ADARB2: variants seen among roughly 807,000 people sequenced by gnomAD.
The protein encoded by ADARB2 is inactive double-stranded RNA-specific editase B2.
Under a neutral mutation model 62.2 loss-of-function variants are expected in ADARB2, and 25 were observed. That is an observed-to-expected ratio of 0.40 (90% CI 0.29 to 0.56). The LOEUF (loss-of-function observed/expected upper bound fraction) is 0.56, where lower values mean the gene tolerates loss of function less well. Among genes scored for constraint, ADARB2 ranks in the 20% least tolerant of loss-of-function variants. ADARB2 has a pLI of 0.43. For missense variants in ADARB2, 1,071 were observed against 1,077.4 expected (o/e 0.99, Z 0.08); for synonymous variants, 572 against 500.8 (o/e 1.14, Z -1.90).
At chr10:1,453,166 G>C (rs1356608181) in intron 1 of ADARB2, among the ~76,000 whole-genome samples, 1 of 152,210 alleles carries the variant, frequency 6.6e-6, no homozygotes. Flanking sequence ...TCAGCAAGAC[G>C]TTAGACAAGG....
intron 1 of ADARB2, among the ~76,000 whole-genome samples, chr10:1,582,395 CT>C (rs1402208538): frequency 6.6e-6 from 1 of 152,194 alleles, no homozygotes; most frequent in African/African-American, 2.4e-5. Context: ...CTGCGTTTGA[CT>C]CCACATTTTA....
At chr10:1,558,786 A>C (rs1483396402) in intron 1 of ADARB2, among the ~76,000 whole-genome samples, 1 of 151,620 alleles carries the variant, frequency 6.6e-6, no homozygotes, top group Non-Finnish European at 1.5e-5. Flanking sequence ...CAGCCCCCGC[A>C]TGCTCCATCT....
At chr10:1,616,210 G>C (rs1031868614) in intron 1 of ADARB2, among the ~76,000 whole-genome samples, 1 of 152,200 alleles carries the variant, frequency 6.6e-6, no homozygotes, top group African/African-American at 2.4e-5. Flanking sequence ...TTTCTATAGA[G>C]GGTCCCAGTG....
rs144438287 is a variant in ADARB2, at chr10:1,631,591, G to A, written c.100+105460C>T. Among the ~76,000 whole-genome samples, 620 of 152,276 alleles carry A rather than the reference G, an allele frequency of 4.1e-3. 5 individuals carry two copies. Among genetic ancestry groups the A allele is most frequent in the Non-Finnish European group, 6.0e-3 (408 of 68,012 alleles). ...GGAAGTGCTAGGTCACCCTTTGAAC[G>A]TCAGTTACAGTTGCAGTGAGGTGGC... On this transcript the variant is annotated intron_variant, in intron 1 of 9. Coordinates refer to ENST00000381312, the MANE Select transcript of ADARB2 (RefSeq NM_018702.4).
chr10:1,467,487 T>C (rs1367130151), intron 1 of ADARB2, among the ~76,000 whole-genome samples: 1 of 152,178 alleles, frequency 6.6e-6, no homozygotes, highest in Admixed American at 6.5e-5. Flanking sequence ...CCGCGTTATT[T>C]CTGGGCTGTG....
intron 3 of ADARB2, among the ~76,000 whole-genome samples, chr10:1,328,862 T>C (rs2131832705): frequency 6.6e-6 from 1 of 151,980 alleles, no homozygotes; most frequent in African/African-American, 2.4e-5. Context: ...CATGGTGGTG[T>C]GTGTCTGCAG....
chr10:1,186,697 T>G (rs1428486804), intron 8 of ADARB2: 2 of 416,726 alleles, frequency 4.8e-6, no homozygotes, highest in African/African-American at 4.1e-5. Flanking sequence ...AGAGAAGAAC[T>G]TGGCGTCTTG....
intron 3 of ADARB2, among the ~76,000 whole-genome samples, chr10:1,319,578 A>C (rs1831776912): frequency 6.6e-6 from 1 of 152,188 alleles, no homozygotes; most frequent in Non-Finnish European, 1.5e-5. Context: ...GGTTGATAAG[A>C]ACTCATTGCA....
chr10:1,289,526 CGA>C (rs1831445187), intron 3 of ADARB2, among the ~76,000 whole-genome samples: 1 of 152,202 alleles, frequency 6.6e-6, no homozygotes, highest in Admixed American at 6.5e-5. Flanking sequence ...TCAGGAAGCC[CGA>C]GTCTGCCACG....
At position 1,183,201 on chromosome 10, in the gene ADARB2, T is replaced by A. The variant is rs1484351544; in HGVS notation, c.2212A>T (p.Thr738Ser). Residue 738 changes from threonine (T) to serine (S), a missense_variant, in exon 10 of 10, where the codon ACT becomes TCT. Coordinates refer to ENST00000381312, the MANE Select transcript of ADARB2 (RefSeq NM_018702.4). ...AGCCAGGAGCCCGCAGCCTAGAGAG[T>A]CAGTAGAAACTGCTGCTGCTCCGGT... is the stretch of plus-strand genomic sequence containing the variant. ...KPPEQQQFLLTL is the reference protein window; with the variant it reads ...KPPEQQQFLLSL The A allele has an allele frequency of 6.2e-7, 1 of 1,612,332 alleles. No individual in the cohort carries two copies. The highest frequency in any genetic ancestry group is 1.1e-5 in the South Asian group (1 of 91,000).
intron 1 of ADARB2, among the ~76,000 whole-genome samples, chr10:1,703,576 T>C (rs529298237): frequency 2.6e-4 from 40 of 152,314 alleles, no homozygotes; most frequent in African/African-American, 9.6e-4. Flanking sequence ...CACATCTCCC[T>C]TAAAAATAGA....
intron 1 of ADARB2, among the ~76,000 whole-genome samples, chr10:1,703,437 G>T (rs10430754): frequency 6.0e-5 from 9 of 149,944 alleles, no homozygotes; most frequent in Admixed American, 1.3e-4. Context: ...GCTGAGGGGT[G>T]GGGGGAGACT....
chr10:1,692,081 C>T (rs368626658), intron 1 of ADARB2, among the ~76,000 whole-genome samples: 20 of 152,186 alleles, frequency 1.3e-4, no homozygotes, highest in South Asian at 4.1e-4. Context: ...TCTTACTGAA[C>T]GGGTCTGAAT....
chr10:1,684,442 A>C (rs1435184123), intron 1 of ADARB2, among the ~76,000 whole-genome samples: 2 of 152,248 alleles, frequency 1.3e-5, no homozygotes, highest in Non-Finnish European at 2.9e-5. Context: ...ACACACACAT[A>C]TATATTCTCT....
chr10:1,301,984 T>C (rs1435627053), intron 3 of ADARB2, among the ~76,000 whole-genome samples: 1 of 151,898 alleles, frequency 6.6e-6, no homozygotes, highest in Non-Finnish European at 1.5e-5. Context: ...ACTGCATGGG[T>C]TTGACAAATG....
chr10:1,635,744 A>C lies in ADARB2; in HGVS notation c.100+101307T>G, dbSNP rs964975250. Among the ~76,000 whole-genome samples the C allele has an allele frequency of 5.3e-5, 8 of 152,150 alleles. No homozygotes were observed. In the South Asian group the frequency reaches 1.7e-3, roughly 31 times the overall value. On this transcript the variant is annotated intron_variant, in intron 1 of 9. Coordinates refer to ENST00000381312, the MANE Select transcript of ADARB2 (RefSeq NM_018702.4). ...GTTACTCTTCATTTATCTCAGACAC[A>C]TGTTGAGCGATTCTGGTCCCTTTTA...
chr10:1,687,772 G>T (rs1343719562), intron 1 of ADARB2, among the ~76,000 whole-genome samples: 1 of 152,166 alleles, frequency 6.6e-6, no homozygotes, highest in Non-Finnish European at 1.5e-5. Context: ...CCGGGCAGGA[G>T]GGGGCTCAGG....
intron 1 of ADARB2, among the ~76,000 whole-genome samples, chr10:1,603,652 T>C (rs1176140791): frequency 6.6e-6 from 1 of 151,198 alleles, no homozygotes; most frequent in Non-Finnish European, 1.5e-5. Context: ...GTATGTACAG[T>C]GGTCATAAGT....
At chr10:1,466,813 C>T (rs1831260522) in intron 1 of ADARB2, among the ~76,000 whole-genome samples, 1 of 152,202 alleles carries the variant, frequency 6.6e-6, no homozygotes, top group African/African-American at 2.4e-5. Flanking sequence ...GGATGTGACA[C>T]TGCTTATCAG....
Sources: allele counts gnomAD v4.1 joint callset (sites outside exome capture counted in the v4.1 genomes callset), GRCh38; gene constraint gnomAD v4.1.1; transcripts MANE v1.5; gene names NCBI Gene and HGNC (gene_info 2026-07-23, HGNC 2026-07-21).